The following SMAP1 variants were observed in gnomAD, a reference collection of about 807,000 sequenced individuals.
SMAP1 encodes the protein small ArfGAP 1, also known as stromal membrane-associated protein 1.
In SMAP1, 24 loss-of-function variants were observed where a neutral mutation model predicts 58.5. The observed-to-expected ratio is 0.41, with a 90% confidence interval of 0.30 to 0.58. The LOEUF (loss-of-function observed/expected upper bound fraction) is 0.58, where lower values mean the gene tolerates loss of function less well. Ranked by LOEUF, SMAP1 falls within the 20% of genes least tolerant of loss-of-function variation. SMAP1 has a pLI of 0.29. For synonymous variants in SMAP1, 216 were observed against 196.6 expected (o/e 1.10, Z -0.82); for missense variants, 563 against 566.3 (o/e 0.99, Z 0.06).
intron 1 of SMAP1, among the ~76,000 whole-genome samples, chr6:70,729,307 C>T (rs971203367): frequency 2.0e-5 from 3 of 151,780 alleles, no homozygotes; most frequent in Non-Finnish European, 2.9e-5. Context: ...GGCGAAGTGG[C>T]GGGCGCCTGT....
chr6:70,688,055 A>G (rs1431749189), intron 1 of SMAP1, among the ~76,000 whole-genome samples: 1 of 152,136 alleles, frequency 6.6e-6, no homozygotes, highest in Admixed American at 6.5e-5. Context: ...AAATAGAATC[A>G]TGCAATATGT....
chr6:70,699,652 A>T (rs775234365), intron 1 of SMAP1, among the ~76,000 whole-genome samples: 1 of 151,960 alleles, frequency 6.6e-6, no homozygotes, highest in Non-Finnish European at 1.5e-5. Context: ...CCTTTCTTCA[A>T]GTGGTAGTCT....
rs971494399 is a variant in SMAP1 at position 70,762,330 on chromosome 6, G to A, written c.338+7265G>A. Among the ~76,000 whole-genome samples, 3 of 152,054 alleles carry A rather than the reference G, an allele frequency of 2.0e-5. No homozygotes were observed. In the East Asian group the frequency reaches 5.8e-4, roughly 29 times the overall value. ...TTCTGTGGTCGCTTTGGAGAGCTAT[G>A]AAGGGACAGTTGAGTGATTGAAACA... is the stretch of plus-strand genomic sequence containing the variant. On this transcript the variant is annotated intron_variant, in intron 3 of 10. Coordinates refer to ENST00000370455, the MANE Select transcript of SMAP1 (RefSeq NM_001044305.3).
At chr6:70,773,672 GC>G (rs1238951055) in intron 4 of SMAP1, among the ~76,000 whole-genome samples, 2 of 151,952 alleles carry the variant, frequency 1.3e-5, no homozygotes, top group Non-Finnish European at 2.9e-5. Context: ...TTTGAAATTT[GC>G]AAAAAAGCTA....
rs1554189883 is a variant in SMAP1 at position 70,690,708 on chromosome 6, A to ATATT, written c.118+22568_118+22569insATTT. On this transcript the variant is annotated intron_variant, in intron 1 of 10. Coordinates refer to ENST00000370455, the MANE Select transcript of SMAP1 (RefSeq NM_001044305.3). ...ATCTTTTATATATATATATATATATATTTTTGAATTTGATTTGCTATGATT... is the reference window on the plus strand; with the variant it reads ...ATCTTTTATATATATATATATATATATATTTTTTTGAATTTGATTTGCTATGATT... Among the ~76,000 whole-genome samples, 68 of 148,992 alleles carry ATATT rather than the reference A, an allele frequency of 4.6e-4. No homozygotes were observed. The South Asian group carries it at 4.6e-3, about 10-fold the overall frequency.
chr6:70,750,049 T>C (rs1447065533), intron 2 of SMAP1, among the ~76,000 whole-genome samples: 1 of 152,180 alleles, frequency 6.6e-6, no homozygotes, highest in Non-Finnish European at 1.5e-5. Flanking sequence ...TTGCCTCTTA[T>C]TATATTTAAT....
chr6:70,803,626 G>A (rs1768968938), intron 6 of SMAP1, among the ~76,000 whole-genome samples: 1 of 152,066 alleles, frequency 6.6e-6, no homozygotes, highest in Non-Finnish European at 1.5e-5. Flanking sequence ...TCTCTTGTGG[G>A]CATTTAGTGC....
intron 6 of SMAP1, among the ~76,000 whole-genome samples, chr6:70,799,357 G>A (rs1768747516): frequency 6.6e-6 from 1 of 152,026 alleles, no homozygotes; most frequent in Non-Finnish European, 1.5e-5. Context: ...TAAAGCACAT[G>A]GTACTCCTAA....
intron 1 of SMAP1, among the ~76,000 whole-genome samples, chr6:70,722,203 G>C (rs138154968): frequency 1.3e-5 from 2 of 152,334 alleles, no homozygotes; most frequent in East Asian, 3.9e-4. Context: ...GTTGCCTTCT[G>C]AGATAATTAA....
Position 70,861,334 on chromosome 6 carries a change from T to A in SMAP1, c.*1000T>A, listed in dbSNP as rs573810725. ...TACCAACCTGTTCAAGTCTACCAAT[T>A]ATAAGGGCAAATTGGAGAAAAAGAA... On this transcript the variant is annotated 3_prime_UTR_variant, in exon 11 of 11. Transcript: ENST00000370455. 13 of 232,736 alleles carry A rather than the reference T, an allele frequency of 5.6e-5. No individual in the cohort carries two copies. In the East Asian group the frequency reaches 1.2e-3, roughly 21 times the overall value. The allele number at this position is 232,736 out of a possible 1,614,324, so 14.4% of individuals were successfully genotyped here. A position where few individuals can be genotyped will look rare whatever the true frequency, so the allele number is the denominator to read the frequency against.
At chr6:70,724,054 A>G (rs575515974) in intron 1 of SMAP1, among the ~76,000 whole-genome samples, 16 of 151,958 alleles carry the variant, frequency 1.1e-4, no homozygotes, top group Admixed American at 3.3e-4. Flanking sequence ...TTATTATTTA[A>G]TGTCAGTCTT....
At chr6:70,799,645 A>T (rs565081728) in intron 6 of SMAP1, among the ~76,000 whole-genome samples, 6 of 152,326 alleles carry the variant, frequency 3.9e-5, no homozygotes, top group African/African-American at 1.4e-4. Flanking sequence ...TAAAGTACAT[A>T]ATAGAAGTAC....
At position 70,732,663 on chromosome 6, in the gene SMAP1, A is replaced by G. The variant is rs1032438887; in HGVS notation, c.252+152A>G. ...ATAAAATTGGAATATTTGAATTTTCAGTTCACAGATGTTTATTTCATTTTG... is the reference window on the plus strand; with the variant it reads ...ATAAAATTGGAATATTTGAATTTTCGGTTCACAGATGTTTATTTCATTTTG... On this transcript the variant is annotated intron_variant, in intron 2 of 10. Transcript: ENST00000370455. 3 of 618,522 alleles carry G rather than the reference A, an allele frequency of 4.9e-6. No homozygotes were observed. The African/African-American group carries it at 5.7e-5, about 12-fold the overall frequency. 38.3% of individuals were successfully genotyped at this position (618,522 alleles called of 1,614,324 possible). A position where few individuals can be genotyped will look rare whatever the true frequency, so the allele number is the denominator to read the frequency against.
chr6:70,783,028 C>A lies in SMAP1; in HGVS notation c.415-8661C>A, dbSNP rs9455223. Among the ~76,000 whole-genome samples the A allele has an allele frequency of 6.7e-3, 1,018 of 152,296 alleles. 7 individuals are homozygous for A. Among genetic ancestry groups the A allele is most frequent in the African/African-American group, 0.023 (975 of 41,558 alleles). On this transcript the variant is annotated intron_variant, in intron 4 of 10. Transcript: ENST00000370455. ...ACCCTCGAGCAGCCTAACTGGGAGG[C>A]ATCCCCTAGTAGGGGCAGACTGACA...
intron 1 of SMAP1, among the ~76,000 whole-genome samples, chr6:70,720,062 G>A (rs1160560725): frequency 6.6e-6 from 1 of 152,128 alleles, no homozygotes. Context: ...ATTCTCATCT[G>A]AGACAAGGCA....
At chr6:70,668,766 G>C (rs1766144985) in intron 1 of SMAP1, 1 of 1,525,200 alleles carries the variant, frequency 6.6e-7, no homozygotes, top group Non-Finnish European at 8.8e-7. Context: ...GTCTTTATTA[G>C]TAGTAGTATT....
At chr6:70,807,792 G>GATGTA (rs1769201022) in intron 6 of SMAP1, among the ~76,000 whole-genome samples, 1 of 152,046 alleles carries the variant, frequency 6.6e-6, no homozygotes, top group Non-Finnish European at 1.5e-5. Flanking sequence ...ATATACAGGT[G>GATGTA]ACACTAGAAC....
intron 1 of SMAP1, among the ~76,000 whole-genome samples, chr6:70,721,258 A>G (rs1026923887): frequency 2.6e-5 from 4 of 152,028 alleles, no homozygotes; most frequent in Non-Finnish European, 2.9e-5. Context: ...CTGCTTAGAA[A>G]TTTTTTCCGC....
At chr6:70,854,040 G>T (rs1041253224) in intron 8 of SMAP1, among the ~76,000 whole-genome samples, 2 of 152,168 alleles carry the variant, frequency 1.3e-5, no homozygotes, top group African/African-American at 4.8e-5. Flanking sequence ...CTGTATTAAA[G>T]CAGCAAGTAG....
Sources: gnomAD v4.1 joint callset for allele counts (sites outside exome capture counted in the v4.1 genomes callset) on GRCh38, gnomAD v4.1.1 for gene constraint, MANE v1.5 for transcripts, NCBI Gene and HGNC (gene_info 2026-07-23, HGNC 2026-07-21) for gene names.